LTBP3: variants seen among roughly 807,000 people sequenced by gnomAD.
LTBP3 encodes latent-transforming growth factor beta-binding protein 3.
In LTBP3, 97 loss-of-function variants were observed where a neutral mutation model predicts 159.7. That is an observed-to-expected ratio of 0.61 (90% CI 0.52 to 0.72). LTBP3 has a LOEUF of 0.72. Among genes scored for constraint, LTBP3 ranks in the 30% least tolerant of loss-of-function variants. The pLI is 0.00. For missense variants in LTBP3, 1,584 were observed against 1,864.3 expected (o/e 0.85, Z 2.77); for synonymous variants, 824 against 777.1 (o/e 1.06, Z -1.00).
chr11:65,552,058 A>T lies in LTBP3; in HGVS notation c.1445T>A (p.Leu482Gln). Residue 482 changes from leucine to glutamine, a missense_variant, in exon 8 of 28, where the codon CTG becomes CAG. This residue lies in a region of LTBP3 where 565 missense variants were observed against 677.7 expected (regional missense o/e 0.83). Coordinates refer to ENST00000301873, the MANE Select transcript of LTBP3 (RefSeq NM_001130144.3). This position sits in a 1 kb window ranked among gnomAD's most constrained non-coding sequence, Gnocchi z 6.0. ...GGGCTTGGGTGGCCCGTCAGGGTGCAGGAAAAGGGAAAAGTCACTCTCGCC... is the reference window on the plus strand; with the variant it reads ...GGGCTTGGGTGGCCCGTCAGGGTGCTGGAAAAGGGAAAAGTCACTCTCGCC... ...IQGESDFSLF[L>Q]HPDGPPKPQQ... 1 of 1,614,102 alleles carries T rather than the reference A, an allele frequency of 6.2e-7. No homozygotes were observed. Among genetic ancestry groups the T allele is most frequent in the Non-Finnish European group, 8.5e-7 (1 of 1,179,992 alleles).
chr11:65,538,693 T>TTCTA lies in LTBP3; in HGVS notation c.*383_*386dup. 5 of 1,244,804 alleles carry TTCTA rather than the reference T, an allele frequency of 4.0e-6. No homozygotes were observed. Among genetic ancestry groups the TTCTA allele is most frequent in the Non-Finnish European group, 5.4e-6 (5 of 919,426 alleles). The allele number at this position is 1,244,804 out of a possible 1,614,324, so 77.1% of individuals were successfully genotyped here. A position where few individuals can be genotyped will look rare whatever the true frequency, so the allele number is the denominator to read the frequency against. ...TGTACATAATCAGAGCCACAATAAATTCTATTTCACACCCCTTGTGCCGGG... is the reference window on the plus strand; with the variant it reads ...TGTACATAATCAGAGCCACAATAAATTCTATCTATTTCACACCCCTTGTGCCGGG... On this transcript the variant is annotated 3_prime_UTR_variant, in exon 28 of 28. Coordinates refer to ENST00000301873, the MANE Select transcript of LTBP3 (RefSeq NM_001130144.3).
In LTBP3 at chr11:65,540,602, C is replaced by G; in HGVS notation, c.2990G>C (p.Cys997Ser). 4.3e-6 allele frequency: 7 copies of G among 1,611,938 alleles called. No individual in the cohort carries two copies. Among genetic ancestry groups the G allele is most frequent in the Non-Finnish European group, 5.9e-6 (7 of 1,179,166 alleles). ...GIPAHRDIDE[C>S]MLFGSEICKE... The stretch of plus-strand genomic sequence containing the variant: ...GCAAATCTCCGACCCGAACAACATG[C>G]ACTCGTCGATGTCTGCGGGGTGACA... Residue 997 changes from cysteine to serine, a missense_variant, in exon 22 of 28, where the codon TGC becomes TCC. By Grantham distance (112) the Cys-to-Ser change is moderately radical. This residue lies in a region of LTBP3 where 514 missense variants were observed against 530.3 expected (regional missense o/e 0.97). Coordinates refer to ENST00000301873, the MANE Select transcript of LTBP3 (RefSeq NM_001130144.3).
intron 1 of LTBP3, 65 bp downstream of exon 1, chr11:65,557,564 C>T: frequency 6.3e-7 from 1 of 1,597,736 alleles, no homozygotes; most frequent in Non-Finnish European, 8.5e-7. Context: ...CAAGACCCCA[C>T]TAGCTCTCCC....
rs1372488586 is a variant in LTBP3, at chr11:65,554,841, CT to C, written c.332-462del. 1.3e-5 allele frequency among the ~76,000 whole-genome samples: 2 copies of C among 152,030 alleles called. No individual in the cohort carries two copies. Among genetic ancestry groups the C allele is most frequent in the Non-Finnish European group, 2.9e-5 (2 of 67,982 alleles). On this transcript the variant is annotated intron_variant, in intron 1 of 27. Coordinates refer to ENST00000301873, the MANE Select transcript of LTBP3 (RefSeq NM_001130144.3). The surrounding 1 kb of genome is among the most constrained non-coding windows in gnomAD (Gnocchi z 5.3). The stretch of plus-strand genomic sequence containing the variant: ...CTCTTCTCCCATAAACCCTTCCCTC[CT>C]TCAGGCCTCAGTCCTCTCTGCCTGC...
chr11:65,557,767 C>A lies in LTBP3; in HGVS notation c.193G>T (p.Val65Phe). The change falls in exon 1 of 28, where the codon GTC (valine) becomes TTC (phenylalanine). Residue 65 changes from valine to phenylalanine, a missense_variant. By Grantham distance (50) the Val-to-Phe change is conservative. This residue lies in a region of LTBP3 where 76 missense variants were observed against 133.3 expected (regional missense o/e 0.57). Transcript: ENST00000301873. ...CGCTTGCAGATCACCGGCGCAAAGA[C>A]CACCTTGAAGCGCTCGCGGGCCAGC... ...GALARERFKV[V>F]FAPVICKRTC... 1 of 1,602,708 alleles carries A rather than the reference C, an allele frequency of 6.2e-7. No individual in the cohort carries two copies. Among genetic ancestry groups the A allele is most frequent in the Non-Finnish European group, 8.5e-7 (1 of 1,179,632 alleles).
intron 11 of LTBP3, among the ~76,000 whole-genome samples, chr11:65,550,685 G>A (rs536907652): frequency 5.3e-5 from 8 of 151,644 alleles, no homozygotes; most frequent in African/African-American, 1.5e-4. Context: ...TTAGCTGGAC[G>A]TGGTGGCGCA....
intron 10 of LTBP3, 55 bp downstream of exon 10, chr11:65,551,347 C>T: frequency 6.3e-7 from 1 of 1,594,134 alleles, no homozygotes; most frequent in Non-Finnish European, 8.5e-7. Flanking sequence ...TGTGAACTCC[C>T]CGCCCACCCA....
At chr11:65,539,276 G>A (rs1487601475) in intron 27 of LTBP3, 45 bp from the exon 28 acceptor site, 8 of 1,515,646 alleles carry the variant, frequency 5.3e-6, no homozygotes, top group African/African-American at 1.4e-5. Flanking sequence ...GCCTCCAGGC[G>A]GCTCCTCACC....
intron 18 of LTBP3, 148 bp downstream of exon 18, chr11:65,542,957 G>GATGC: frequency 9.9e-7 from 1 of 1,014,442 alleles, no homozygotes; most frequent in Non-Finnish European, 1.5e-6. Context: ...TGGATGGATG[G>GATGC]ATGGATGGAT....
Position 65,551,154 on chromosome 11 carries a change from G to C in LTBP3, c.1692C>G (p.Ala564=), listed in dbSNP as rs201866318. Residue 564 remains alanine, a synonymous_variant, in exon 11 of 28, where the codon GCC becomes GCG. Coordinates refer to ENST00000301873, the MANE Select transcript of LTBP3 (RefSeq NM_001130144.3). ...FLPDLPPSRS[A]VEIAPTQVTE... ...TGACCTGAGTGGGAGCGATCTCTAC[G>C]GCGCTGCGGGAAGGAGGCAAGTCCG... 4 of 1,553,832 alleles carry C rather than the reference G, an allele frequency of 2.6e-6. No homozygotes were observed. Among genetic ancestry groups the C allele is most frequent in the Non-Finnish European group, 3.5e-6 (4 of 1,148,890 alleles).
intron 19 of LTBP3, 121 bp downstream of exon 19, chr11:65,541,479 C>A: frequency 6.5e-7 from 1 of 1,543,740 alleles, no homozygotes; most frequent in Non-Finnish European, 8.9e-7. Flanking sequence ...ACTCCCCCAG[C>A]CAAAAGAGAT....
At chr11:65,551,939 A>AGGGGC (rs1261234106) in intron 8 of LTBP3, 33 bp downstream of exon 8, 8 of 1,610,184 alleles carry the variant, frequency 5.0e-6, no homozygotes, top group Non-Finnish European at 5.9e-6. Context: ...GGGGCTTGGC[A>AGGGGC]TGGGTCAGGG....
At chr11:65,542,919 TGGATGGATAGAA>T (rs1177691586) in intron 18 of LTBP3, 174 bp downstream of exon 18, 70 of 814,728 alleles carry the variant, frequency 8.6e-5, no homozygotes, top group Admixed American at 7.8e-4. Context: ...AATGGAAGGA[TGGATGGATAGAA>T]GGATGGATGG....
In LTBP3 at chr11:65,546,128, G is replaced by A. The variant is rs559209998; in HGVS notation, c.2353+314C>T. 7 of 395,310 alleles carry A rather than the reference G, an allele frequency of 1.8e-5. No individual in the cohort carries two copies. The highest frequency in any genetic ancestry group is 1.8e-4 in the Admixed American group (4 of 22,620). 24.5% of individuals were successfully genotyped at this position (395,310 alleles called of 1,614,324 possible). A position where few individuals can be genotyped will look rare whatever the true frequency, so the allele number is the denominator to read the frequency against. On this transcript the variant is annotated intron_variant, in intron 16 of 27. Transcript: ENST00000301873. This position sits in a 1 kb window ranked among gnomAD's most constrained non-coding sequence, Gnocchi z 4.0. ...TCAATGAGTCCCAGCCCCCAGCCCC[G>A]CCTCTTGGCGTATAATAAACAGGAG... is the stretch of plus-strand genomic sequence containing the variant.
rs777151196 is a variant in LTBP3 at position 65,553,303 on chromosome 11, G to C, written c.971-47C>G. 5.1e-6 allele frequency: 8 copies of C among 1,558,612 alleles called. No homozygotes were observed. The East Asian group carries it at 1.8e-4, about 35-fold the overall frequency. On this transcript the variant is annotated intron_variant, in intron 4 of 27. Coordinates refer to ENST00000301873, the MANE Select transcript of LTBP3 (RefSeq NM_001130144.3). This position sits in a 1 kb window ranked among gnomAD's most constrained non-coding sequence, Gnocchi z 6.5. The stretch of plus-strand genomic sequence containing the variant: ...GCAGGGGAGGGTGAGGAGGGAACTG[G>C]GGAGGGGCACAGCAGATGTAGAGAG...
chr11:65,548,657 T>G (rs1333923362), intron 11 of LTBP3: 1 of 165,708 alleles, frequency 6.0e-6, no homozygotes, highest in African/African-American at 2.4e-5. Flanking sequence ...CTCCAGCCTC[T>G]CCCCTCCTTT....
rs1371017072 is a variant in LTBP3, at chr11:65,539,899, C to T, written c.3386-18G>A. On this transcript the variant is annotated intron_variant, in intron 24 of 27. Transcript: ENST00000301873. ...GGCACGCTCTGCGGAAGACACCTGG[C>T]ATCAGGGGAGGGGCCCAAGGCAGGA... 1.3e-6 allele frequency: 2 copies of T among 1,505,412 alleles called. No homozygotes were observed. The highest frequency in any genetic ancestry group is 1.8e-6 in the Non-Finnish European group (2 of 1,134,236). 93.3% of individuals were successfully genotyped at this position (1,505,412 alleles called of 1,614,324 possible).
At position 65,547,631 on chromosome 11, in the gene LTBP3, C is replaced by T; in HGVS notation, c.1978+59G>A. 2 of 1,609,108 alleles carry T rather than the reference C, an allele frequency of 1.2e-6. No individual in the cohort carries two copies. The highest frequency in any genetic ancestry group is 4.5e-5 in the East Asian group (2 of 44,808). On this transcript the variant is annotated intron_variant, in intron 13 of 27. Transcript: ENST00000301873. This position sits in a 1 kb window ranked among gnomAD's most constrained non-coding sequence, Gnocchi z 4.6. ...GCGGCGGGCAAGGGGAGGGATTACA[C>T]GGCGGTCTGGAGGAGAGCCCGTCCC...
At position 65,552,400 on chromosome 11, in the gene LTBP3, T is replaced by G. The variant is rs1856644218; in HGVS notation, c.1193A>C (p.Lys398Thr). 1 of 1,613,214 alleles carries G rather than the reference T, an allele frequency of 6.2e-7. No homozygotes were observed. Among genetic ancestry groups the G allele is most frequent in the South Asian group, 1.1e-5 (1 of 91,088 alleles). The change falls in exon 7 of 28, where the codon AAA (lysine) becomes ACA (threonine). Residue 398 changes from lysine to threonine, a missense_variant. Physicochemically the swap from Lys to Thr is moderately conservative, Grantham distance 78 (BLOSUM62 -1). Around this residue, in one of 6 missense-constraint regions of LTBP3, gnomAD observed 156 missense variants for 259.7 expected, o/e 0.60. Coordinates refer to ENST00000301873, the MANE Select transcript of LTBP3 (RefSeq NM_001130144.3). The surrounding 1 kb of genome is among the most constrained non-coding windows in gnomAD (Gnocchi z 6.0). ...GPSRTQCIAD[K>T]PEEKSLCFRL... is the part of the protein sequence containing the mutation. ...GAAACACAGGCTCTTCTCCTCCGGTTTGTCTGCTGCAGGGGCCAGTGGGGG... is the reference window on the plus strand; with the variant it reads ...GAAACACAGGCTCTTCTCCTCCGGTGTGTCTGCTGCAGGGGCCAGTGGGGG...
Sources: gnomAD v4.1 joint callset for allele counts (sites outside exome capture counted in the v4.1 genomes callset) on GRCh38, gnomAD v4.1.1 for gene constraint, gnomAD v4.1.1 regional missense constraint, Gnocchi (gnomAD v3.1) non-coding constraint, MANE v1.5 for transcripts, NCBI Gene and HGNC (gene_info 2026-07-23, HGNC 2026-07-21) for gene names.